The following LRP1B variants were observed in gnomAD, a reference collection of about 807,000 sequenced individuals.
LRP1B encodes LDL receptor related protein 1B.
A neutral mutation model predicts 556.6 loss-of-function variants in LRP1B; 217 were observed. The ratio of observed to expected loss-of-function variants is 0.39; its 90% CI spans 0.35 to 0.44. The LOEUF is 0.44. LRP1B is among the 20% of genes least tolerant of loss of function. The pLI is 1.00. For synonymous variants in LRP1B, 2,047 were observed against 1,865.8 expected, an observed-to-expected ratio of 1.10 and a Z score of -2.50; for missense variants, 5,053 against 5,620.8, an observed-to-expected ratio of 0.90 and a Z score of 3.23.
chr2:140,797,539 A>T (rs2105000557), intron 32 of LRP1B, among the ~76,000 whole-genome samples: 1 of 152,232 alleles, frequency 6.6e-6, no homozygotes, highest in Non-Finnish European at 1.5e-5. Context: ...AATAAATTGG[A>T]AATAAAGCAA....
chr2:141,154,767 T>C (rs1156388777), intron 7 of LRP1B, among the ~76,000 whole-genome samples: 3 of 151,956 alleles, frequency 2.0e-5, no homozygotes, highest in Non-Finnish European at 4.4e-5. Flanking sequence ...TACTTCTACA[T>C]GTCTCTAAAA....
chr2:141,919,053 T>C (rs898688482), intron 1 of LRP1B, among the ~76,000 whole-genome samples: 1 of 152,092 alleles, frequency 6.6e-6, no homozygotes, highest in African/African-American at 2.4e-5. Flanking sequence ...ATGATCAATA[T>C]GCAGCTTTAA....
intron 60 of LRP1B, among the ~76,000 whole-genome samples, chr2:140,466,738 G>A (rs1573970735): frequency 6.6e-6 from 1 of 152,028 alleles, no homozygotes; most frequent in Non-Finnish European, 1.5e-5. Flanking sequence ...ACACTGAAGA[G>A]TATCCTGAAA....
At chr2:141,740,975 A>G (rs1693678179) in intron 2 of LRP1B, among the ~76,000 whole-genome samples, 1 of 152,080 alleles carries the variant, frequency 6.6e-6, no homozygotes, top group East Asian at 1.9e-4. Context: ...CGTGAGTTCA[A>G]TTGTTAAAAT....
intron 66 of LRP1B, among the ~76,000 whole-genome samples, chr2:140,398,742 T>G (rs1684364333): frequency 6.6e-6 from 1 of 152,130 alleles, no homozygotes; most frequent in African/African-American, 2.4e-5. Context: ...ACGAAAACTG[T>G]ATCTCTAATT....
chr2:140,971,092 T>G (rs1327444197), intron 18 of LRP1B, among the ~76,000 whole-genome samples: 1 of 152,160 alleles, frequency 6.6e-6, no homozygotes, highest in East Asian at 1.9e-4. Context: ...TTTTTTGTGC[T>G]AATAACCTTA....
chr2:140,346,167 G>C (rs540048816), intron 77 of LRP1B, among the ~76,000 whole-genome samples: 136 of 151,460 alleles, frequency 9.0e-4, no homozygotes, highest in Non-Finnish European at 1.7e-3. Context: ...GTAACAAGTA[G>C]GCTTTAAATA....
intron 49 of LRP1B, among the ~76,000 whole-genome samples, chr2:140,524,086 A>G (rs1207061883): frequency 1.3e-5 from 2 of 151,642 alleles, no homozygotes; most frequent in Non-Finnish European, 2.9e-5. Flanking sequence ...CAAAGAAAAA[A>G]TATCCAGAAT....
chr2:141,954,993 C>A (rs1269522182), intron 1 of LRP1B, among the ~76,000 whole-genome samples: 1 of 152,026 alleles, frequency 6.6e-6, no homozygotes, highest in Non-Finnish European at 1.5e-5. Flanking sequence ...TAAAGAAATA[C>A]AATTTCTGTC....
In LRP1B at chr2:142,113,554, C is replaced by A. The variant is rs1303270885; in HGVS notation, c.82+17094G>T. Among the ~76,000 whole-genome samples, 3 of 151,186 alleles carry A rather than the reference C, an allele frequency of 2.0e-5. No homozygotes were observed. The East Asian group carries it at 5.8e-4, about 29-fold the overall frequency. On this transcript the variant is annotated intron_variant, in intron 1 of 90. Transcript: ENST00000389484. ...ATGATCATGTAGAACAAGGTCTCAT[C>A]AGCCACCAGAAATTTTAAAACAAAA...
At chr2:141,052,913 CAGGCCT>C (rs1558827660) in intron 10 of LRP1B, among the ~76,000 whole-genome samples, 1 of 152,144 alleles carries the variant, frequency 6.6e-6, no homozygotes, top group East Asian at 2.0e-4. Context: ...GCTGAAATCA[CAGGCCT>C]GAGCCACAAC....
chr2:141,923,653 T>C (rs1700259866), intron 1 of LRP1B, among the ~76,000 whole-genome samples: 2 of 151,402 alleles, frequency 1.3e-5, no homozygotes, highest in African/African-American at 4.9e-5. Flanking sequence ...TTACAGAATG[T>C]CTGTAATGAC....
At chr2:141,325,190 C>T (rs968877467) in intron 3 of LRP1B, among the ~76,000 whole-genome samples, 1 of 147,088 alleles carries the variant, frequency 6.8e-6, no homozygotes. Flanking sequence ...GCTAATACCA[C>T]AATCTGATGA....
intron 43 of LRP1B, among the ~76,000 whole-genome samples, chr2:140,545,476 A>AG (rs1680295745): frequency 6.6e-6 from 1 of 152,116 alleles, no homozygotes; most frequent in Non-Finnish European, 1.5e-5. Flanking sequence ...GGTTTAAGAA[A>AG]GGGGTTCAGT....
intron 3 of LRP1B, among the ~76,000 whole-genome samples, chr2:141,380,835 T>G (rs538616729): frequency 2.0e-5 from 3 of 152,124 alleles, no homozygotes; most frequent in Non-Finnish European, 4.4e-5. Flanking sequence ...CTTGTCATAC[T>G]TTAGTCTCTT....
intron 18 of LRP1B, among the ~76,000 whole-genome samples, chr2:140,973,426 G>C (rs1465180881): frequency 2.0e-5 from 3 of 152,050 alleles, no homozygotes; most frequent in African/African-American, 7.2e-5. Context: ...AGGAGGATGG[G>C]GGGGTAGAGA....
intron 6 of LRP1B, among the ~76,000 whole-genome samples, chr2:141,220,154 C>A (rs549954120): frequency 6.6e-6 from 1 of 152,140 alleles, no homozygotes; most frequent in East Asian, 1.9e-4. Flanking sequence ...AGTTCTAAAC[C>A]AACGCAAGAA....
rs1697032280 is a variant in LRP1B at position 140,989,722 on chromosome 2, G to C, written c.2645-65C>G. The C allele has an allele frequency of 2.0e-6, 3 of 1,527,062 alleles. No homozygotes were observed. In the African/African-American group the frequency reaches 4.1e-5, roughly 21 times the overall value. The allele number at this position is 1,527,062 out of a possible 1,614,324, so 94.6% of individuals were successfully genotyped here. A position where few individuals can be genotyped will look rare whatever the true frequency, so the allele number is the denominator to read the frequency against. On this transcript the variant is annotated intron_variant, in intron 16 of 90. Coordinates refer to ENST00000389484, the MANE Select transcript of LRP1B (RefSeq NM_018557.3). ...GGATAAAGTTGTGAATATTTTGAAT[G>C]ATAGTTACAGAAAAGTTACAGTAAT...
At chr2:141,447,619 G>A (rs952449421) in intron 3 of LRP1B, among the ~76,000 whole-genome samples, 1 of 152,154 alleles carries the variant, frequency 6.6e-6, no homozygotes, top group Non-Finnish European at 1.5e-5. Context: ...TTTTGTTGAT[G>A]TTGATGCTAT....
Sources: allele counts gnomAD v4.1 joint callset (sites outside exome capture counted in the v4.1 genomes callset), GRCh38; gene constraint gnomAD v4.1.1; transcripts MANE v1.5; gene names NCBI Gene and HGNC (gene_info 2026-07-23, HGNC 2026-07-21).